Variants in SEMA3E observed in about 807,000 individuals in gnomAD.
SEMA3E encodes semaphorin 3E, also known as semaphorin-3E.
A neutral mutation model predicts 93.6 loss-of-function variants in SEMA3E; 49 were observed. That is an observed-to-expected ratio of 0.52 (90% CI 0.42 to 0.66). The LOEUF (loss-of-function observed/expected upper bound fraction) is 0.66, where lower values mean the gene tolerates loss of function less well. Among genes scored for constraint, SEMA3E ranks in the 30% least tolerant of loss-of-function variants. The pLI is 0.00. For synonymous variants in SEMA3E, 363 were observed against 330.7 expected, an observed-to-expected ratio of 1.10 and a Z score of -1.06; for missense variants, 906 against 964.8, an observed-to-expected ratio of 0.94 and a Z score of 0.81.
intron 1 of SEMA3E, 39 bp downstream of exon 1, chr7:83,648,389 T>G: frequency 7.0e-7 from 1 of 1,428,056 alleles, no homozygotes; most frequent in South Asian, 1.2e-5. Context: ...TTTTCTTTTT[T>G]TTTTTTTTTA....
intron 14 of SEMA3E, among the ~76,000 whole-genome samples, chr7:83,390,058 T>TATACGTATACACATATATAC (rs1562758469): frequency 7.8e-5 from 11 of 140,448 alleles, no homozygotes; most frequent in East Asian, 2.2e-4. Context: ...CGTATACGTG[T>TATACGTATACACATATATAC]GCACATATAT....
At chr7:83,479,896 T>C (rs1428648628) in intron 2 of SEMA3E, among the ~76,000 whole-genome samples, 1 of 152,068 alleles carries the variant, frequency 6.6e-6, no homozygotes, top group African/African-American at 2.4e-5. Context: ...TGGCTTCAAT[T>C]GTTAAACACA....
chr7:83,552,449 C>T (rs1301659551), intron 1 of SEMA3E, among the ~76,000 whole-genome samples: 1 of 151,958 alleles, frequency 6.6e-6, no homozygotes, highest in Non-Finnish European at 1.5e-5. Flanking sequence ...TGAAAAAGAA[C>T]AGAATAACAG....
At chr7:83,388,475 T>A (rs1787929193) in intron 14 of SEMA3E, among the ~76,000 whole-genome samples, 1 of 151,744 alleles carries the variant, frequency 6.6e-6, no homozygotes, top group Admixed American at 6.6e-5. Flanking sequence ...TCTGGCATAC[T>A]TAATTTAGCT....
intron 4 of SEMA3E, among the ~76,000 whole-genome samples, chr7:83,458,629 G>A (rs1007383895): frequency 6.6e-6 from 1 of 151,652 alleles, no homozygotes; most frequent in Non-Finnish European, 1.5e-5. Context: ...AAGTTTACAT[G>A]GGCTAATATA....
In SEMA3E at chr7:83,560,052, G is replaced by A. The variant is rs139149058; in HGVS notation, c.116-69778C>T. Reference sequence around the variant, plus strand: ...AATAAAAAGATCTATAGTTGCCAGGGACTAGTGGTGGGCGGGCTGGGGATG... The same window carrying A: ...AATAAAAAGATCTATAGTTGCCAGGAACTAGTGGTGGGCGGGCTGGGGATG... On this transcript the variant is annotated intron_variant, in intron 1 of 16. Transcript: ENST00000643230. Among the ~76,000 whole-genome samples, 233 of 152,146 alleles carry A rather than the reference G, an allele frequency of 1.5e-3. 2 individuals are homozygous for A. Among genetic ancestry groups the A allele is most frequent in the Middle Eastern group, 3.4e-3 (1 of 294 alleles).
At chr7:83,531,341 C>CTTTTTTT (rs144165250) in intron 1 of SEMA3E, among the ~76,000 whole-genome samples, 18 of 68,132 alleles carry the variant, frequency 2.6e-4, no homozygotes, top group Non-Finnish European at 3.3e-4. Flanking sequence ...TTGGAATATT[C>CTTTTTTT]TTTTTTTTTT....
At chr7:83,372,502 G>T in intron 16 of SEMA3E, 4 of 316,458 alleles carry the variant, frequency 1.3e-5, no homozygotes, top group Non-Finnish European at 1.7e-5. Flanking sequence ...AATTAGGGTT[G>T]TTTGTTTGTT....
chr7:83,589,799 G>A (rs886999964), intron 1 of SEMA3E, among the ~76,000 whole-genome samples: 2 of 152,090 alleles, frequency 1.3e-5, no homozygotes. Context: ...ATAGCCACAT[G>A]TGGCTAGTAG....
Position 83,400,135 on chromosome 7 carries a change from T to C in SEMA3E, c.1259A>G (p.Lys420Arg), listed in dbSNP as rs1015201578. The stretch of plus-strand genomic sequence containing the variant: ...ATCTGTTTTTACCAATATTGGTTTT[T>C]TATGGGCAGGTTTTATGGCCTGGTA... ...LMYQAIKPAH[K>R]KPILVKTDGK... Residue 420 changes from lysine (K) to arginine (R), a missense_variant, in exon 11 of 17, where the codon AAA becomes AGA. Transcript: ENST00000643230. 1.9e-6 allele frequency: 3 copies of C among 1,614,074 alleles called. No homozygotes were observed. The Admixed American group carries it at 5.0e-5, about 27-fold the overall frequency.
chr7:83,628,869 A>T (rs1447106210), intron 1 of SEMA3E, among the ~76,000 whole-genome samples: 2 of 151,844 alleles, frequency 1.3e-5, no homozygotes, highest in African/African-American at 4.8e-5. Context: ...GGGGCATTCT[A>T]GTTTTTGGAA....
intron 4 of SEMA3E, among the ~76,000 whole-genome samples, chr7:83,465,268 T>C (rs956228813): frequency 4.6e-5 from 7 of 152,120 alleles, no homozygotes; most frequent in Admixed American, 2.6e-4. Flanking sequence ...GCCCCACCCT[T>C]ATCTCCCTTC....
chr7:83,380,968 A>G (rs996197985), intron 16 of SEMA3E, among the ~76,000 whole-genome samples: 1 of 152,090 alleles, frequency 6.6e-6, no homozygotes, highest in South Asian at 2.1e-4. Context: ...CTTGCAAATC[A>G]TCTGGTCTTG....
At chr7:83,484,732 ATAT>A (rs1487027927) in intron 2 of SEMA3E, among the ~76,000 whole-genome samples, 2 of 152,306 alleles carry the variant, frequency 1.3e-5, no homozygotes, top group African/African-American at 2.4e-5. Flanking sequence ...TGGCATTATA[ATAT>A]TATTTTATTT....
chr7:83,378,847 A>G (rs372212140), intron 16 of SEMA3E, among the ~76,000 whole-genome samples: 2 of 152,024 alleles, frequency 1.3e-5, no homozygotes, highest in South Asian at 2.1e-4. Flanking sequence ...GAGATTTCTC[A>G]AAGAACTAAA....
chr7:83,593,147 A>G (rs1792787353), intron 1 of SEMA3E, among the ~76,000 whole-genome samples: 1 of 152,036 alleles, frequency 6.6e-6, no homozygotes, highest in Non-Finnish European at 1.5e-5. Context: ...CTAGTAGTGG[A>G]GCATCAAATC....
chr7:83,433,022 G>C (rs143063272), intron 4 of SEMA3E, among the ~76,000 whole-genome samples: 1 of 152,218 alleles, frequency 6.6e-6, no homozygotes, highest in Non-Finnish European at 1.5e-5. Context: ...ATATCTTTCT[G>C]AGTGTTTGGA....
chr7:83,490,794 T>C (rs1790367267), intron 1 of SEMA3E, among the ~76,000 whole-genome samples: 1 of 151,998 alleles, frequency 6.6e-6, no homozygotes, highest in African/African-American at 2.4e-5. Context: ...ATAAAACTGG[T>C]GGGAATATAT....
intron 5 of SEMA3E, among the ~76,000 whole-genome samples, chr7:83,416,984 T>TAC (rs71522659): frequency 0.23 from 25,867 of 113,610 alleles, 2,556 homozygotes; most frequent in Middle Eastern, 0.32. Flanking sequence ...ACTCTGTTTA[T>TAC]ACACACACAC....
Sources: allele counts gnomAD v4.1 joint callset (sites outside exome capture counted in the v4.1 genomes callset), GRCh38; gene constraint gnomAD v4.1.1; transcripts MANE v1.5; gene names NCBI Gene and HGNC (gene_info 2026-07-23, HGNC 2026-07-21).